Variants in KIAA1549L observed in about 807,000 individuals in gnomAD.
The protein encoded by KIAA1549L is UPF0606 protein KIAA1549L.
A neutral mutation model predicts 160.7 loss-of-function variants in KIAA1549L; 88 were observed. The observed-to-expected ratio is 0.55, with a 90% confidence interval of 0.46 to 0.65. The LOEUF (loss-of-function observed/expected upper bound fraction) is 0.65, where lower values mean the gene tolerates loss of function less well. KIAA1549L is among the 30% of genes least tolerant of loss of function. KIAA1549L has a pLI of 0.00. For missense variants in KIAA1549L, 2,258 were observed against 2,437.5 expected (o/e 0.93, Z 1.55); for synonymous variants, 950 against 976.7 (o/e 0.97, Z 0.51).
At chr11:33,461,780 A>G (rs1851947252) in intron 1 of KIAA1549L, among the ~76,000 whole-genome samples, 1 of 152,160 alleles carries the variant, frequency 6.6e-6, no homozygotes, top group South Asian at 2.1e-4. Flanking sequence ...TGGGAGGTGT[A>G]TATCATTATG....
At chr11:33,639,255 G>T (rs1297116838) in intron 16 of KIAA1549L, among the ~76,000 whole-genome samples, 1 of 152,154 alleles carries the variant, frequency 6.6e-6, no homozygotes, top group African/African-American at 2.4e-5. Flanking sequence ...GCCACTGTGT[G>T]CACTATTGTA....
chr11:33,606,726 G>A lies in KIAA1549L; in HGVS notation c.4965G>A (p.Gly1655=). ...CTGAACCCTTTGACACATCTTCTGGGTCTGTGCAGCTCATTGCCATAAAAC... is the reference window on the plus strand; with the variant it reads ...CTGAACCCTTTGACACATCTTCTGGATCTGTGCAGCTCATTGCCATAAAAC... The part of the protein sequence containing the change: ...VAAEPFDTSS[G]SVQLIAIKPT... Residue 1655 remains glycine, a synonymous_variant, in exon 14 of 21, where the codon GGG becomes GGA. Transcript: ENST00000658780. 6.2e-7 allele frequency: 1 copy of A among 1,613,902 alleles called. No individual in the cohort carries two copies. The highest frequency in any genetic ancestry group is 1.3e-5 in the African/African-American group (1 of 75,020).
At chr11:33,662,817 A>C (rs1852311165) in intron 20 of KIAA1549L, among the ~76,000 whole-genome samples, 1 of 152,160 alleles carries the variant, frequency 6.6e-6, no homozygotes, top group African/African-American at 2.4e-5. Flanking sequence ...TGGGCTCATA[A>C]TTGCCTTAAA....
intron 1 of KIAA1549L, among the ~76,000 whole-genome samples, chr11:33,467,794 A>T (rs1477449020): frequency 6.6e-6 from 1 of 152,238 alleles, no homozygotes; most frequent in African/African-American, 2.4e-5. Flanking sequence ...GCAGTGAGCA[A>T]GTGTACCATC....
intron 16 of KIAA1549L, among the ~76,000 whole-genome samples, chr11:33,634,939 T>C (rs1236631150): frequency 6.7e-6 from 1 of 149,570 alleles, no homozygotes; most frequent in African/African-American, 2.6e-5. Context: ...GAAATTTTGC[T>C]GAAAAAATTT....
At position 33,669,315 on chromosome 11, in the gene KIAA1549L, G is replaced by A. The variant is rs182556453; in HGVS notation, c.*1161G>A. On this transcript the variant is annotated 3_prime_UTR_variant, in exon 21 of 21. Coordinates refer to ENST00000658780, the MANE Select transcript of KIAA1549L (RefSeq NM_012194.3). ...GCTGAAATGGTAGGGTGGCCACTTT[G>A]TGACCATGATGTTGCAAGTTGCCCT... is the stretch of plus-strand genomic sequence containing the variant. 1.6e-4 allele frequency: 25 copies of A among 152,368 alleles called. No homozygotes were observed. The highest frequency in any genetic ancestry group is 6.0e-4 in the African/African-American group (25 of 41,586). 9.4% of individuals were successfully genotyped at this position (152,368 alleles called of 1,614,324 possible).
intron 1 of KIAA1549L, among the ~76,000 whole-genome samples, chr11:33,440,120 C>CTTTTTTTTTTTTTTTTTTTTTTTTTTT (rs201551936): frequency 3.6e-5 from 3 of 83,426 alleles, no homozygotes; most frequent in Non-Finnish European, 7.4e-5. Context: ...TATTTTGTTT[C>CTTTTTTTTTTTTTTTTTTTTTTTTTTT]TTTTTTTTTT....
chr11:33,529,913 G>A (rs1341047348), intron 1 of KIAA1549L, among the ~76,000 whole-genome samples: 1 of 152,110 alleles, frequency 6.6e-6, no homozygotes, highest in Non-Finnish European at 1.5e-5. Flanking sequence ...TTTACATTTA[G>A]GCCTTTACAA....
chr11:33,531,560 T>A (rs931457344), intron 1 of KIAA1549L, among the ~76,000 whole-genome samples: 2 of 152,200 alleles, frequency 1.3e-5, no homozygotes, highest in Non-Finnish European at 2.9e-5. Context: ...ACCAACAAAC[T>A]TTTTTAAAAA....
Position 33,617,920 on chromosome 11 carries a change from T to C in KIAA1549L, c.5280-613T>C, listed in dbSNP as rs570643494. 2.5e-3 allele frequency among the ~76,000 whole-genome samples: 373 copies of C among 150,814 alleles called. 3 individuals carry two copies. The highest frequency in any genetic ancestry group is 8.6e-3 in the African/African-American group (350 of 40,490). On this transcript the variant is annotated intron_variant, in intron 15 of 20. Coordinates refer to ENST00000658780, the MANE Select transcript of KIAA1549L (RefSeq NM_012194.3). ...GTGGATGGATGGACGGATGGACGGATGGATGGATGGATGGATGGATAGGTG... is the reference window on the plus strand; with the variant it reads ...GTGGATGGATGGACGGATGGACGGACGGATGGATGGATGGATGGATAGGTG...
intron 16 of KIAA1549L, among the ~76,000 whole-genome samples, chr11:33,637,529 A>G (rs1267962032): frequency 3.3e-5 from 5 of 152,190 alleles, no homozygotes; most frequent in Non-Finnish European, 7.3e-5. Context: ...CAAGGTCTGT[A>G]TATTAGTTTG....
intron 1 of KIAA1549L, among the ~76,000 whole-genome samples, chr11:33,394,397 AT>A (rs1850328695): frequency 1.2e-5 from 1 of 80,564 alleles, no homozygotes; most frequent in African/African-American, 4.3e-5. Flanking sequence ...TAAATAATAA[AT>A]AAATAAATAA....
intron 8 of KIAA1549L, among the ~76,000 whole-genome samples, chr11:33,567,151 C>T (rs1643298468): frequency 6.6e-6 from 1 of 152,188 alleles, no homozygotes; most frequent in Non-Finnish European, 1.5e-5. Flanking sequence ...TCATTCATGC[C>T]TTACCTGTTG....
At position 33,432,067 on chromosome 11, in the gene KIAA1549L, C is replaced by T. The variant is rs558282053; in HGVS notation, c.238+55178C>T. Among the ~76,000 whole-genome samples, 316 of 152,344 alleles carry T rather than the reference C, an allele frequency of 2.1e-3. 2 individuals are homozygous for T. Among genetic ancestry groups the T allele is most frequent in the African/African-American group, 6.8e-3 (283 of 41,596 alleles). On this transcript the variant is annotated intron_variant, in intron 1 of 20. Transcript: ENST00000658780. ...GGGGCCTGCCAAGCCCACGCCCACC[C>T]GGAACTCCAGCTGGCCCACAAGCTC...
intron 1 of KIAA1549L, among the ~76,000 whole-genome samples, chr11:33,460,380 GC>G (rs1399205961): frequency 1.3e-5 from 2 of 152,222 alleles, no homozygotes; most frequent in African/African-American, 4.8e-5. Flanking sequence ...CAATAGTGCA[GC>G]CCAAGTCTGC....
At chr11:33,661,244 C>G (rs761012394) in intron 20 of KIAA1549L, among the ~76,000 whole-genome samples, 2 of 152,232 alleles carry the variant, frequency 1.3e-5, no homozygotes, top group African/African-American at 2.4e-5. Flanking sequence ...CTCTTCCTAG[C>G]AGGACGACCT....
At chr11:33,428,176 TA>T (rs886537341) in intron 1 of KIAA1549L, among the ~76,000 whole-genome samples, 1 of 152,224 alleles carries the variant, frequency 6.6e-6, no homozygotes, top group Non-Finnish European at 1.5e-5. Context: ...GTTTCACTTT[TA>T]AAGGAGCCAC....
At chr11:33,646,198 C>G (rs891736244) in intron 17 of KIAA1549L, among the ~76,000 whole-genome samples, 162 bp downstream of exon 17, 6 of 152,324 alleles carry the variant, frequency 3.9e-5, no homozygotes, top group Middle Eastern at 3.4e-3. Flanking sequence ...ACCCATGATC[C>G]AAAGCCTAAG....
chr11:33,489,746 A>G (rs1389621140), intron 1 of KIAA1549L, among the ~76,000 whole-genome samples: 4 of 152,186 alleles, frequency 2.6e-5, no homozygotes, highest in Non-Finnish European at 4.4e-5. Context: ...TTCCAACTAC[A>G]TTCCATTGGC....
Sources: gnomAD v4.1 joint callset for allele counts (sites outside exome capture counted in the v4.1 genomes callset) on GRCh38, gnomAD v4.1.1 for gene constraint, MANE v1.5 for transcripts, NCBI Gene and HGNC (gene_info 2026-07-23, HGNC 2026-07-21) for gene names.